The following CXorf65 variants were observed in gnomAD, a reference collection of about 807,000 sequenced individuals.
CXorf65 encodes chromosome X open reading frame 65.
For missense variants in CXorf65, 137 were observed against 144.7 expected (o/e 0.95, Z 0.27); for synonymous variants, 54 against 51.4 (o/e 1.05, Z -0.21).
chrX:71,105,059 C>T (rs778604263), intron 3 of CXorf65, among the ~76,000 whole-genome samples: 71 of 109,866 alleles, frequency 6.5e-4, no homozygotes, highest in African/African-American at 2.3e-3. Context: ...TTTGGTGAAA[C>T]CCCATCTCTA....
At position 71,106,522 on chromosome X, in the gene CXorf65, T is replaced by C. The variant is rs1287716375; in HGVS notation, c.25+10A>G. ...CCATCCACAGACTCTAGTTCTGTGC[T>C]GCCCCTCACCTCCATGTTTGATGAA... is the stretch of plus-strand genomic sequence containing the variant. On this transcript the variant is annotated intron_variant, in intron 1 of 5. Coordinates refer to ENST00000374251, the MANE Select transcript of CXorf65 (RefSeq NM_001025265.3). 1 of 1,210,769 alleles carries C rather than the reference T, an allele frequency of 8.3e-7. No individual in the cohort carries two copies. Among genetic ancestry groups the C allele is most frequent in the South Asian group, 1.8e-5 (1 of 56,968 alleles).
At chrX:71,106,491 C>T in intron 1 of CXorf65, 41 bp downstream of exon 1, 1 of 1,202,414 alleles carries the variant, frequency 8.3e-7, no homozygotes, top group Non-Finnish European at 1.1e-6. Flanking sequence ...TCAGATCCCT[C>T]CACCCCCATC....
intron 3 of CXorf65, among the ~76,000 whole-genome samples, chrX:71,105,645 T>G (rs2092246122): frequency 9.1e-6 from 1 of 109,490 alleles, no homozygotes. Context: ...GGAGAGTATG[T>G]GTGAGGTAAC....
chrX:71,106,166 CA>C, intron 2 of CXorf65, 29 bp from the exon 3 acceptor site: 4 of 1,203,518 alleles, frequency 3.3e-6, no homozygotes, highest in Non-Finnish European at 4.5e-6. Flanking sequence ...GTAATTGGGG[CA>C]GCTAAGGAAA....
At position 71,103,912 on chromosome X, in the gene CXorf65, G is replaced by A. The variant is rs954660451; in HGVS notation, c.*75C>T. ...CTGGGGCGTATGTACTCAAGCCTTA[G>A]TGCAGATATTGGGAGAAGGAGTCTT... On this transcript the variant is annotated 3_prime_UTR_variant, in exon 6 of 6. Coordinates refer to ENST00000374251, the MANE Select transcript of CXorf65 (RefSeq NM_001025265.3). The A allele has an allele frequency of 7.9e-5, 86 of 1,093,839 alleles. No individual in the cohort carries two copies. The highest frequency in any genetic ancestry group is 1.1e-4 in the South Asian group (6 of 53,380). 90.1% of individuals were successfully genotyped at this position (1,093,839 alleles called of 1,213,427 possible).
Position 71,104,799 on chromosome X carries a change from G to C in CXorf65, c.289C>G (p.Leu97Val). 1 of 1,211,205 alleles carries C rather than the reference G, an allele frequency of 8.3e-7. No homozygotes were observed. Among genetic ancestry groups the C allele is most frequent in the Non-Finnish European group, 1.1e-6 (1 of 895,163 alleles). ...AGCCAAGGCTCCGGATTCTTGAGGA[G>C]AGGCACAAAAGCTCTGTAAGCATTC... Reference protein sequence around the residue: ...LENAYRAFVPLLKNPEPWLLV... With the variant: ...LENAYRAFVPVLKNPEPWLLV... The change falls in exon 4 of 6, where the codon CTC (leucine) becomes GTC (valine). Residue 97 changes from leucine to valine, a missense_variant. Coordinates refer to ENST00000374251, the MANE Select transcript of CXorf65 (RefSeq NM_001025265.3).
chrX:71,105,431 T>C (rs1456834817), intron 3 of CXorf65, among the ~76,000 whole-genome samples: 17 of 106,691 alleles, frequency 1.6e-4, no homozygotes, highest in Non-Finnish European at 2.1e-4. Context: ...TGGTGGCGGG[T>C]GCCTGTAGTC....
At chrX:71,105,514 G>C (rs963606210) in intron 3 of CXorf65, among the ~76,000 whole-genome samples, 1 of 104,341 alleles carries the variant, frequency 9.6e-6, no homozygotes, top group Admixed American at 1.1e-4. Context: ...AGCTGAGATC[G>C]CGCCATTGCA....
intron 3 of CXorf65, among the ~76,000 whole-genome samples, chrX:71,105,671 C>T (rs985555791): frequency 9.0e-6 from 1 of 110,627 alleles, no homozygotes; most frequent in Non-Finnish European, 1.9e-5. Flanking sequence ...ATTATAGAGG[C>T]AGTACCCTTC....
rs761751596 is a variant in CXorf65, at chrX:71,106,602, T to C, written c.-46A>G. 8.3e-7 allele frequency: 1 copy of C among 1,207,875 alleles called. No individual in the cohort carries two copies. Among genetic ancestry groups the C allele is most frequent in the Admixed American group, 2.2e-5 (1 of 45,686 alleles). On this transcript the variant is annotated 5_prime_UTR_variant, in exon 1 of 6. It removes an upstream start codon present in the reference 5' UTR. Coordinates refer to ENST00000374251, the MANE Select transcript of CXorf65 (RefSeq NM_001025265.3). ...CTTCACAAAGTGCCCTGATGAGTCATGCAGAAGGAGGGTGTTCTAGAGGCC... is the reference window on the plus strand; with the variant it reads ...CTTCACAAAGTGCCCTGATGAGTCACGCAGAAGGAGGGTGTTCTAGAGGCC...
chrX:71,104,491 C>T (rs760914217), intron 4 of CXorf65, 87 bp from the exon 5 acceptor site: 17 of 649,505 alleles, frequency 2.6e-5, no homozygotes, highest in Non-Finnish European at 3.9e-5. Context: ...AAACCATCAG[C>T]TGGAGCCCCA....
chrX:71,104,731 AC>A (rs1456605945), intron 4 of CXorf65, 37 bp downstream of exon 4: 1 of 1,126,554 alleles, frequency 8.9e-7, no homozygotes, highest in Admixed American at 2.2e-5. Flanking sequence ...TATATACTGT[AC>A]CCTTCATGTT....
Position 71,106,608 on chromosome X carries a change from A to C in CXorf65, c.-52T>G. The C allele has an allele frequency of 1.7e-6, 2 of 1,209,463 alleles. No individual in the cohort carries two copies. Among genetic ancestry groups the C allele is most frequent in the Non-Finnish European group, 2.2e-6 (2 of 894,796 alleles). On this transcript the variant is annotated 5_prime_UTR_variant, in exon 1 of 6. Coordinates refer to ENST00000374251, the MANE Select transcript of CXorf65 (RefSeq NM_001025265.3). ...AAAGTGCCCTGATGAGTCATGCAGA[A>C]GGAGGGTGTTCTAGAGGCCTTGTGT...
chrX:71,105,938 A>G, intron 3 of CXorf65, 62 bp downstream of exon 3: 1 of 1,105,260 alleles, frequency 9.0e-7, no homozygotes, highest in South Asian at 2.0e-5. Context: ...TTTTAAAGAT[A>G]AGGTTCATAA....
intron 3 of CXorf65, 80 bp from the exon 4 acceptor site, chrX:71,104,917 A>C (rs985450561): frequency 5.4e-6 from 5 of 924,445 alleles, no homozygotes; most frequent in Non-Finnish European, 7.8e-6. Context: ...CCAGGACCTA[A>C]CACTAAAGAC....
intron 3 of CXorf65, among the ~76,000 whole-genome samples, 167 bp from the exon 4 acceptor site, chrX:71,105,004 A>C (rs943317530): frequency 1.8e-5 from 2 of 111,703 alleles, no homozygotes; most frequent in Non-Finnish European, 3.8e-5. Flanking sequence ...ACTTGAGGTC[A>C]GGAGTTCCAG....
rs763719854 is a variant in CXorf65 at position 71,104,064 on chromosome X, G to A, written c.475C>T (p.Pro159Ser). 1 of 1,209,384 alleles carries A rather than the reference G, an allele frequency of 8.3e-7. No individual in the cohort carries two copies. Among genetic ancestry groups the A allele is most frequent in the Admixed American group, 2.2e-5 (1 of 45,935 alleles). The change falls in exon 6 of 6, where the codon CCG (proline) becomes TCG (serine). Residue 159 changes from proline (P) to serine (S), a missense_variant. Physicochemically the swap from Pro to Ser is moderately conservative, Grantham distance 74. Transcript: ENST00000374251. The part of the protein sequence containing the change: ...SDKKKSTRKS[P>S]TFRNRPDFRK... ...AAGTCTGGTCTGTTCCTAAAGGTCG[G>A]AGACTTGCGAGTGGACTTCTTTTTG...
intron 3 of CXorf65, among the ~76,000 whole-genome samples, chrX:71,105,710 G>T (rs763915615): frequency 1.4e-4 from 16 of 111,200 alleles, no homozygotes; most frequent in African/African-American, 3.9e-4. Flanking sequence ...GGTCAATTTG[G>T]ATCTGGTTGA....
At chrX:71,104,707 C>T in intron 4 of CXorf65, 62 bp downstream of exon 4, 3 of 1,054,849 alleles carry the variant, frequency 2.8e-6, no homozygotes, top group Admixed American at 4.4e-5. Context: ...ACCCTACATT[C>T]TCCATCACAC....
Sources: allele counts gnomAD v4.1 joint callset (sites outside exome capture counted in the v4.1 genomes callset), GRCh38; gene constraint gnomAD v4.1.1; transcripts MANE v1.5; gene names NCBI Gene and HGNC (gene_info 2026-07-23, HGNC 2026-07-21).